SLC25A21: variants seen among roughly 807,000 people sequenced by gnomAD.
The protein encoded by SLC25A21 is mitochondrial 2-oxodicarboxylate carrier.
SLC25A21 carries 47 observed loss-of-function variants against 43.8 expected under a neutral mutation model. The observed-to-expected ratio is 1.07, with a 90% CI of 0.85 to 1.37. The LOEUF (loss-of-function observed/expected upper bound fraction) is 1.37, where lower values mean the gene tolerates loss of function less well. SLC25A21 is among the 40% of genes most tolerant of loss of function. The probability of loss-of-function intolerance (pLI) is 0.00; values close to 1 mark genes in which losing one functional copy is unlikely to be tolerated. For synonymous variants in SLC25A21, 131 were observed against 121.3 expected, an observed-to-expected ratio of 1.08 and a Z score of -0.52; for missense variants, 352 against 350.2, an observed-to-expected ratio of 1.00 and a Z score of -0.04.
chr14:37,001,841 C>T (rs1294709001), intron 1 of SLC25A21, among the ~76,000 whole-genome samples: 1 of 152,112 alleles, frequency 6.6e-6, no homozygotes, highest in Non-Finnish European at 1.5e-5. Flanking sequence ...TTTGCACTAA[C>T]CTCCAAAAAG....
intron 1 of SLC25A21, among the ~76,000 whole-genome samples, chr14:37,074,292 A>G (rs1962234175): frequency 6.6e-6 from 1 of 152,202 alleles, no homozygotes; most frequent in Admixed American, 6.5e-5. Context: ...GATGTTTTCT[A>G]TATTTCACAA....
chr14:37,051,696 G>T (rs968988632), intron 1 of SLC25A21, among the ~76,000 whole-genome samples: 11 of 152,184 alleles, frequency 7.2e-5, no homozygotes, highest in Non-Finnish European at 1.2e-4. Flanking sequence ...GGGCAAGAAA[G>T]GGCCAGAGCT....
chr14:37,140,518 C>T (rs1963552490), intron 1 of SLC25A21, among the ~76,000 whole-genome samples: 1 of 152,092 alleles, frequency 6.6e-6, no homozygotes. Context: ...TGCCCTGCAC[C>T]CTCACTGAGG....
At chr14:36,694,159 G>C (rs922918575) in intron 7 of SLC25A21, among the ~76,000 whole-genome samples, 12 of 152,016 alleles carry the variant, frequency 7.9e-5, no homozygotes, top group Non-Finnish European at 8.8e-5. Context: ...GAGAACATGC[G>C]GTGTTTGGTT....
chr14:37,119,556 A>AAAAAAAG lies in SLC25A21; in HGVS notation c.70+52718_70+52724dup, dbSNP rs749939106. Among the ~76,000 whole-genome samples, 6 of 84,864 alleles carry AAAAAAAG rather than the reference A, an allele frequency of 7.1e-5. No individual in the cohort carries two copies. In the East Asian group the frequency reaches 1.7e-3, roughly 24 times the overall value. 55.7% of individuals were successfully genotyped at this position (84,864 alleles called of 152,430 possible). On this transcript the variant is annotated intron_variant, in intron 1 of 9. Coordinates refer to ENST00000331299, the MANE Select transcript of SLC25A21 (RefSeq NM_030631.4). ...TAGGCGACAGAGTGAGACACCATAA[A>AAAAAAAG]AAAAAAGAAAAAAGAAAAAAGAAAA...
At chr14:36,739,656 A>G (rs892401614) in intron 3 of SLC25A21, among the ~76,000 whole-genome samples, 2 of 149,824 alleles carry the variant, frequency 1.3e-5, no homozygotes, top group Non-Finnish European at 3.0e-5. Context: ...CCAGCCTGGC[A>G]ACAGAGCAAG....
chr14:36,859,310 T>A (rs1889995781), intron 2 of SLC25A21, among the ~76,000 whole-genome samples: 1 of 152,208 alleles, frequency 6.6e-6, no homozygotes, highest in African/African-American at 2.4e-5. Context: ...TTCTGCCTAC[T>A]CCATTTGGCA....
At chr14:36,742,755 A>G (rs1885323469) in intron 3 of SLC25A21, among the ~76,000 whole-genome samples, 1 of 152,148 alleles carries the variant, frequency 6.6e-6, no homozygotes, top group Non-Finnish European at 1.5e-5. Context: ...TGCCTACCCA[A>G]CTCATATCAG....
intron 1 of SLC25A21, among the ~76,000 whole-genome samples, chr14:37,143,508 T>C (rs1412245029): frequency 6.6e-6 from 1 of 152,110 alleles, no homozygotes; most frequent in East Asian, 1.9e-4. Context: ...CAGAGTAACA[T>C]AATAATAATG....
intron 1 of SLC25A21, among the ~76,000 whole-genome samples, chr14:37,046,192 C>T (rs879637113): frequency 1.3e-4 from 20 of 152,082 alleles, no homozygotes; most frequent in Admixed American, 1.2e-3. Flanking sequence ...TTGCTCTTCA[C>T]CATGCTGCAA....
intron 1 of SLC25A21, among the ~76,000 whole-genome samples, chr14:36,978,717 G>A (rs1594733251): frequency 2.0e-5 from 3 of 152,280 alleles, no homozygotes; most frequent in African/African-American, 4.8e-5. Context: ...GGAGGATTTT[G>A]TTTTGCATAT....
intron 1 of SLC25A21, among the ~76,000 whole-genome samples, chr14:37,164,553 C>T (rs976071073): frequency 6.6e-6 from 1 of 152,094 alleles, no homozygotes; most frequent in African/African-American, 2.4e-5. Flanking sequence ...TTTCCTTGAT[C>T]AAAATTTTAA....
At chr14:36,903,435 A>C (rs2138600892) in intron 1 of SLC25A21, among the ~76,000 whole-genome samples, 1 of 151,906 alleles carries the variant, frequency 6.6e-6, no homozygotes, top group African/African-American at 2.4e-5. Context: ...AACATGGTGA[A>C]ACCCCGTCTC....
intron 1 of SLC25A21, among the ~76,000 whole-genome samples, chr14:36,923,999 T>C (rs957928316): frequency 1.4e-4 from 21 of 152,192 alleles, no homozygotes; most frequent in Middle Eastern, 3.4e-3. Context: ...CCAGTTAGAA[T>C]GGTGATCATT....
chr14:37,124,169 A>G (rs1594804902), intron 1 of SLC25A21, among the ~76,000 whole-genome samples: 1 of 151,472 alleles, frequency 6.6e-6, no homozygotes, highest in South Asian at 2.1e-4. Context: ...TGTTCAAGTG[A>G]CCCTCCTGTC....
chr14:37,130,498 C>T (rs757670562), intron 1 of SLC25A21, among the ~76,000 whole-genome samples: 24 of 152,116 alleles, frequency 1.6e-4, no homozygotes, highest in Non-Finnish European at 3.1e-4. Context: ...TCTCTACTTA[C>T]AATAAGCATA....
chr14:36,679,412 C>T lies in SLC25A21; in HGVS notation c.*1246G>A. On this transcript the variant is annotated 3_prime_UTR_variant, in exon 10 of 10. Transcript: ENST00000331299. ...TTCAAAATGCTTTAGTGAAATAGCC[C>T]CGTAGTAGAAATAGCCCACGGTAGT... The T allele has an allele frequency of 1.0e-6, 1 of 984,026 alleles. No individual in the cohort carries two copies. Among genetic ancestry groups the T allele is most frequent in the Non-Finnish European group, 1.2e-6 (1 of 828,878 alleles). The allele number at this position is 984,026 out of a possible 1,614,324, so 61.0% of individuals were successfully genotyped here. A position where few individuals can be genotyped will look rare whatever the true frequency, so the allele number is the denominator to read the frequency against.
At chr14:36,764,548 A>G (rs1229743878) in intron 3 of SLC25A21, among the ~76,000 whole-genome samples, 1 of 132,622 alleles carries the variant, frequency 7.5e-6, no homozygotes, top group Non-Finnish European at 1.7e-5. Context: ...AAAAAAAAAA[A>G]AGCCAAAACA....
At position 36,969,036 on chromosome 14, in the gene SLC25A21, G is replaced by A. The variant is rs138885348; in HGVS notation, c.71-94032C>T. 2.1e-3 allele frequency among the ~76,000 whole-genome samples: 320 copies of A among 152,104 alleles called. 2 individuals carry two copies. The highest frequency in any genetic ancestry group is 7.0e-3 in the African/African-American group (291 of 41,486). On this transcript the variant is annotated intron_variant, in intron 1 of 9. Coordinates refer to ENST00000331299, the MANE Select transcript of SLC25A21 (RefSeq NM_030631.4). ...TTTAATTTTTTAATTATGAAGTTGC[G>A]GAGACATAAAAATCCAAAGATGATG...
Sources: gnomAD v4.1 joint callset for allele counts (sites outside exome capture counted in the v4.1 genomes callset) on GRCh38, gnomAD v4.1.1 for gene constraint, MANE v1.5 for transcripts, NCBI Gene and HGNC (gene_info 2026-07-23, HGNC 2026-07-21) for gene names.